BDKRB2: variants seen among roughly 807,000 people sequenced by gnomAD.
BDKRB2 encodes the protein bradykinin receptor B2, also known as B2 bradykinin receptor.
Under a neutral mutation model 4.0 loss-of-function variants are expected in BDKRB2, and 6 were observed. The observed-to-expected ratio is 1.49, with a 90% CI of 0.81 to 2.93. BDKRB2 has a LOEUF of 2.93. Ranked by LOEUF, BDKRB2 falls within the 30% of genes most tolerant of loss-of-function variation. BDKRB2 has a pLI of 0.00. For synonymous variants in BDKRB2, 225 were observed against 215.3 expected (o/e 1.05, Z -0.40); for missense variants, 478 against 520.1 (o/e 0.92, Z 0.79).
intron 1 of BDKRB2, among the ~76,000 whole-genome samples, chr14:96,205,928 C>T (rs571197552): frequency 6.6e-6 from 1 of 152,284 alleles, no homozygotes; most frequent in East Asian, 1.9e-4. Flanking sequence ...GAGTCACAGG[C>T]CGCCTGTGGC....
intron 1 of BDKRB2, among the ~76,000 whole-genome samples, chr14:96,228,572 CCTT>C (rs1381810634): frequency 3.3e-5 from 5 of 152,204 alleles, no homozygotes; most frequent in South Asian, 4.1e-4. Flanking sequence ...TCTCTTCTCT[CCTT>C]CTCTGCCATG....
intron 1 of BDKRB2, among the ~76,000 whole-genome samples, chr14:96,222,346 G>A (rs1890592719): frequency 6.6e-6 from 1 of 151,926 alleles, no homozygotes; most frequent in South Asian, 2.1e-4. Flanking sequence ...CATCATATAG[G>A]CATGATGGAT....
At chr14:96,210,013 A>ATC (rs1566687042) in intron 1 of BDKRB2, among the ~76,000 whole-genome samples, 31 of 140,404 alleles carry the variant, frequency 2.2e-4, no homozygotes, top group African/African-American at 9.1e-4. Context: ...TAATAATAAT[A>ATC]ATAATCATCA....
chr14:96,237,202 A>C (rs895106574), intron 2 of BDKRB2, 21 bp downstream of exon 2: 7 of 1,600,944 alleles, frequency 4.4e-6, no homozygotes, highest in Non-Finnish European at 6.0e-6. Context: ...GGGATTCCTC[A>C]GTTCACTAGT....
intron 1 of BDKRB2, among the ~76,000 whole-genome samples, chr14:96,234,579 G>A (rs905936166): frequency 7.9e-5 from 12 of 152,224 alleles, no homozygotes; most frequent in African/African-American, 2.2e-4. Context: ...CCCAGGGCAC[G>A]CCTCTAGAGC....
At chr14:96,215,665 A>T (rs1200402359) in intron 1 of BDKRB2, among the ~76,000 whole-genome samples, 1 of 152,144 alleles carries the variant, frequency 6.6e-6, no homozygotes, top group Non-Finnish European at 1.5e-5. Context: ...CTTGCAAACT[A>T]GATTATTTTT....
chr14:96,222,686 C>G (rs1281110422), intron 1 of BDKRB2, among the ~76,000 whole-genome samples: 2 of 152,004 alleles, frequency 1.3e-5, no homozygotes, highest in Non-Finnish European at 2.9e-5. Context: ...CACATGCAGT[C>G]ACCAAGCACT....
intron 2 of BDKRB2, chr14:96,240,105 G>A (rs947483199): frequency 6.3e-5 from 71 of 1,125,814 alleles, no homozygotes; most frequent in Non-Finnish European, 7.4e-5. Context: ...AGGAGGTCAA[G>A]GGTCCAACAC....
intron 1 of BDKRB2, chr14:96,233,850 G>A (rs139681666): frequency 6.6e-6 from 1 of 152,328 alleles, no homozygotes; most frequent in African/African-American, 2.4e-5. Context: ...AGTCTTCTTG[G>A]ATAGAATTCT....
At chr14:96,240,184 A>C (rs1885235531) in intron 2 of BDKRB2, 1 of 1,283,792 alleles carries the variant, frequency 7.8e-7, no homozygotes, top group East Asian at 2.9e-5. Flanking sequence ...GAGATGAAGA[A>C]CATGAGGCCC....
At position 96,240,046 on chromosome 14, in the gene BDKRB2, C is replaced by T. The variant is rs995885424; in HGVS notation, c.75-357C>T. On this transcript the variant is annotated intron_variant, in intron 2 of 2. Coordinates refer to ENST00000554311, the MANE Select transcript of BDKRB2 (RefSeq NM_001379692.1). ...AAGGTGACCAACTCCCTTGGGAGGG[C>T]CCCGGTTGATAAGGAAGGAATGTGA... 6.8e-6 allele frequency: 7 copies of T among 1,022,754 alleles called. No homozygotes were observed. In the African/African-American group the frequency reaches 1.2e-4, roughly 17 times the overall value. The allele number at this position is 1,022,754 out of a possible 1,614,324, so 63.4% of individuals were successfully genotyped here.
At chr14:96,238,822 G>T in intron 2 of BDKRB2, 2 of 986,042 alleles carry the variant, frequency 2.0e-6, no homozygotes, top group Non-Finnish European at 2.4e-6. Flanking sequence ...CAACCCCCCT[G>T]CTCCCTCCAG....
chr14:96,237,816 A>G lies in BDKRB2; in HGVS notation c.74+635A>G, dbSNP rs553936063. ...TCCGCACTCAGCAGGCATCTTTCTG[A>G]TGATCCGATGGCTTCTCAGAGCCAG... On this transcript the variant is annotated intron_variant, in intron 2 of 2. Coordinates refer to ENST00000554311, the MANE Select transcript of BDKRB2 (RefSeq NM_001379692.1). 3.1e-3 allele frequency: 3,977 copies of G among 1,289,734 alleles called. 10 individuals are homozygous for G. Among genetic ancestry groups the G allele is most frequent in the Non-Finnish European group, 3.7e-3 (3,655 of 988,852 alleles). 79.9% of individuals were successfully genotyped at this position (1,289,734 alleles called of 1,614,324 possible). A position where few individuals can be genotyped will look rare whatever the true frequency, so the allele number is the denominator to read the frequency against.
At chr14:96,234,906 G>A (rs368973701) in intron 1 of BDKRB2, among the ~76,000 whole-genome samples, 1 of 152,152 alleles carries the variant, frequency 6.6e-6, no homozygotes, top group Non-Finnish European at 1.5e-5. Flanking sequence ...GTGTAGAAAT[G>A]GAAGCTGTAC....
At chr14:96,227,579 A>G (rs1205175839) in intron 1 of BDKRB2, among the ~76,000 whole-genome samples, 2 of 152,032 alleles carry the variant, frequency 1.3e-5, no homozygotes, top group Non-Finnish European at 2.9e-5. Flanking sequence ...GTGTGCACAA[A>G]CACATGCATG....
At chr14:96,207,197 C>G (rs148519556) in intron 1 of BDKRB2, among the ~76,000 whole-genome samples, 10 of 152,164 alleles carry the variant, frequency 6.6e-5, no homozygotes, top group Non-Finnish European at 1.0e-4. Flanking sequence ...GCTCAAGCTG[C>G]CTCCTCTGCA....
chr14:96,213,967 C>G (rs1316413922), intron 1 of BDKRB2, among the ~76,000 whole-genome samples: 1 of 152,182 alleles, frequency 6.6e-6, no homozygotes, highest in East Asian at 1.9e-4. Context: ...CAAAGATGCT[C>G]AGGCAGGGCC....
chr14:96,219,041 C>T (rs557583082), intron 1 of BDKRB2, among the ~76,000 whole-genome samples: 4 of 152,186 alleles, frequency 2.6e-5, no homozygotes, highest in East Asian at 3.9e-4. Context: ...CGGTGGCTCA[C>T]GCCTATAATC....
In BDKRB2 at chr14:96,240,617, G is replaced by A. The variant is rs763831238; in HGVS notation, c.289G>A (p.Gly97Arg). The A allele has an allele frequency of 6.5e-7, 1 of 1,549,222 alleles. No homozygotes were observed. The highest frequency in any genetic ancestry group is 2.3e-5 in the East Asian group (1 of 44,358). The change falls in exon 3 of 3, where the codon GGG (glycine) becomes AGG (arginine). Residue 97 changes from glycine (G) to arginine (R), a missense_variant. Coordinates refer to ENST00000554311, the MANE Select transcript of BDKRB2 (RefSeq NM_001379692.1). ...SSCTVAEIYL[G>R]NLAAADLILA... ...CTGCACGGTGGCAGAGATCTACCTGGGGAACCTGGCCGCAGCAGACCTGAT... is the reference window on the plus strand; with the variant it reads ...CTGCACGGTGGCAGAGATCTACCTGAGGAACCTGGCCGCAGCAGACCTGAT...
Sources: gnomAD v4.1 joint callset for allele counts (sites outside exome capture counted in the v4.1 genomes callset) on GRCh38, gnomAD v4.1.1 for gene constraint, MANE v1.5 for transcripts, NCBI Gene and HGNC (gene_info 2026-07-23, HGNC 2026-07-21) for gene names.